The following PHF24 variants were observed in gnomAD, a reference collection of about 807,000 sequenced individuals.
PHF24 encodes Galpha inhibitory interacting protein.
PHF24 carries 25 observed loss-of-function variants against 42.6 expected under a neutral mutation model. That is an observed-to-expected ratio of 0.59 (90% confidence interval 0.43 to 0.82). The LOEUF is 0.82. Ranked by LOEUF, PHF24 falls within the 40% of genes least tolerant of loss-of-function variation. The pLI is 0.00. For synonymous variants in PHF24, 185 were observed against 204.8 expected, an observed-to-expected ratio of 0.90 and a Z score of 0.83; for missense variants, 470 against 538.1, an observed-to-expected ratio of 0.87 and a Z score of 1.25.
the PHF24 span, among the ~76,000 whole-genome samples, chr9:34,734,376 C>A: frequency 6.6e-6 from 1 of 152,168 alleles, no homozygotes; most frequent in African/African-American, 2.4e-5. Context: ...TTTCCACGAA[C>A]CTTAGTGTGT....
chr9:34,711,273 G>A, the PHF24 span, among the ~76,000 whole-genome samples: 1 of 149,994 alleles, frequency 6.7e-6, no homozygotes, highest in South Asian at 2.1e-4. Context: ...TTGACACAGG[G>A]TCTCGCTTTG....
the PHF24 span, chr9:34,691,418 C>T: frequency 1.3e-5 from 6 of 449,504 alleles, no homozygotes; most frequent in African/African-American, 6.0e-5. Context: ...CTTCCCCCTG[C>T]GGTTGCCCTT....
chr9:34,947,692 T>TA, the PHF24 span, among the ~76,000 whole-genome samples: 25,349 of 152,090 alleles, frequency 0.17, 2,558 homozygotes, highest in Non-Finnish European at 0.23. Flanking sequence ...TGAGACAAGA[T>TA]ATGAAGGTGG....
the PHF24 span, among the ~76,000 whole-genome samples, chr9:34,688,128 G>A: frequency 6.6e-6 from 1 of 152,176 alleles, no homozygotes. Context: ...TCTCAGTGAG[G>A]AGGGGCTTTC....
the PHF24 span, among the ~76,000 whole-genome samples, chr9:34,884,333 C>G: frequency 6.6e-6 from 1 of 152,208 alleles, no homozygotes; most frequent in African/African-American, 2.4e-5. Flanking sequence ...TGTAACAAAC[C>G]TGCACATTGT....
At chr9:34,703,295 A>T in the PHF24 span, among the ~76,000 whole-genome samples, 6 of 152,084 alleles carry the variant, frequency 3.9e-5, no homozygotes, top group African/African-American at 1.4e-4. Context: ...CAGCCTCCCG[A>T]ATAGCTGGGA....
At chr9:34,683,625 A>G in the PHF24 span, among the ~76,000 whole-genome samples, 7 of 152,326 alleles carry the variant, frequency 4.6e-5, no homozygotes, top group South Asian at 1.4e-3. Context: ...TGGACCTGGT[A>G]GTGTGTATAT....
chr9:34,806,546 C>T, the PHF24 span, among the ~76,000 whole-genome samples: 2 of 152,132 alleles, frequency 1.3e-5, no homozygotes, highest in Admixed American at 6.5e-5. Context: ...GAGACCTCCA[C>T]CTCCTGGGTT....
the PHF24 span, among the ~76,000 whole-genome samples, chr9:34,846,061 C>T: frequency 3.3e-5 from 5 of 151,832 alleles, no homozygotes; most frequent in South Asian, 2.1e-4. Context: ...AATAAACATA[C>T]GTGTGCATGT....
chr9:34,710,103 G>A, the PHF24 span: 53 of 1,587,696 alleles, frequency 3.3e-5, 1 homozygote, highest in Non-Finnish European at 5.2e-6. Context: ...CCAGAGCTGA[G>A]GGTGAGGTGG....
upstream of PHF24, among the ~76,000 whole-genome samples, chr9:34,955,154 G>T (rs1282855512): frequency 1.3e-5 from 2 of 152,208 alleles, no homozygotes; most frequent in Non-Finnish European, 2.9e-5. Flanking sequence ...GATTACAGGT[G>T]TGAGCCACCA....
At chr9:34,935,099 C>T in the PHF24 span, among the ~76,000 whole-genome samples, 4 of 152,072 alleles carry the variant, frequency 2.6e-5, no homozygotes, top group Admixed American at 1.3e-4. Context: ...AATGTGGTGT[C>T]GCCAAAGCAA....
At chr9:34,917,869 T>C in the PHF24 span, 2 of 1,549,638 alleles carry the variant, frequency 1.3e-6, no homozygotes, top group African/African-American at 1.4e-5. Flanking sequence ...TGTGAAGACT[T>C]TGGAGTGATA....
chr9:34,941,476 G>C, the PHF24 span, among the ~76,000 whole-genome samples: 1 of 152,180 alleles, frequency 6.6e-6, no homozygotes, highest in Admixed American at 6.5e-5. Context: ...GGCATGAATG[G>C]TAGCAAAGAC....
At chr9:34,838,426 A>T in the PHF24 span, 1 of 1,299,278 alleles carries the variant, frequency 7.7e-7, no homozygotes, top group African/African-American at 1.5e-5. Flanking sequence ...TACAATAACG[A>T]TGAAGATGGA....
At chr9:34,709,378 C>T in the PHF24 span, 5 of 1,605,078 alleles carry the variant, frequency 3.1e-6, no homozygotes, top group East Asian at 8.9e-5. Flanking sequence ...TCCAGGGCTC[C>T]AGGCTGCTCA....
At chr9:34,791,971 G>A in the PHF24 span, among the ~76,000 whole-genome samples, 1 of 152,092 alleles carries the variant, frequency 6.6e-6, no homozygotes, top group Admixed American at 6.5e-5. Context: ...ACACTAAGAG[G>A]GACTGTAGAA....
chr9:34,717,826 C>T, the PHF24 span, among the ~76,000 whole-genome samples: 6 of 152,206 alleles, frequency 3.9e-5, no homozygotes, highest in South Asian at 4.2e-4. Flanking sequence ...TGTTTGTGCC[C>T]GTGTCTGCTC....
At chr9:34,832,699 T>C in the PHF24 span, 1 of 1,544,520 alleles carries the variant, frequency 6.5e-7, no homozygotes, top group South Asian at 1.2e-5. Context: ...CTGGGCTTCT[T>C]TTGAGTATGG....
Sources: gnomAD v4.1 joint callset for allele counts (sites outside exome capture counted in the v4.1 genomes callset) on GRCh38, gnomAD v4.1.1 for gene constraint, MANE v1.5 for transcripts, NCBI Gene and HGNC (gene_info 2026-07-23, HGNC 2026-07-21) for gene names.